AZIN2: variants seen among roughly 807,000 people sequenced by gnomAD.
The protein encoded by AZIN2 is antizyme inhibitor 2, also known as ODC antizyme inhibitor-2.
AZIN2 carries 28 observed loss-of-function variants against 47.8 expected under a neutral mutation model. The ratio of observed to expected loss-of-function variants is 0.59; its 90% CI spans 0.43 to 0.80. The LOEUF (loss-of-function observed/expected upper bound fraction) is 0.80, where lower values mean the gene tolerates loss of function less well. Ranked by LOEUF, AZIN2 falls within the 30% of genes least tolerant of loss-of-function variation. AZIN2 has a pLI of 0.00. For synonymous variants in AZIN2, 221 were observed against 239.4 expected, an observed-to-expected ratio of 0.92 and a Z score of 0.71; for missense variants, 535 against 582.5, an observed-to-expected ratio of 0.92 and a Z score of 0.84.
At chr1:33,087,883 T>C (rs1642104597) in intron 5 of AZIN2, among the ~76,000 whole-genome samples, 3 of 152,172 alleles carry the variant, frequency 2.0e-5, no homozygotes, top group Non-Finnish European at 2.9e-5. Context: ...CTCCTTCCTG[T>C]CCAGACACAT....
In AZIN2 at chr1:33,121,300, A is replaced by T. The variant is rs990383182; in HGVS notation, c.*1118A>T. On this transcript the variant is annotated 3_prime_UTR_variant, in exon 12 of 12. Transcript: ENST00000294517. ...TGCAGAAGCCTGGGTGCAGTGGCTC[A>T]CACCTGTAATCCCAGCACTTTGGGA... 1.3e-5 allele frequency among the ~76,000 whole-genome samples: 2 copies of T among 152,232 alleles called. No homozygotes were observed. Among genetic ancestry groups the T allele is most frequent in the Admixed American group, 1.3e-4 (2 of 15,288 alleles).
chr1:33,122,949 C>T lies in AZIN2; in HGVS notation c.*2767C>T, dbSNP rs563191512. Among the ~76,000 whole-genome samples the T allele has an allele frequency of 5.9e-5, 9 of 152,340 alleles. No individual in the cohort carries two copies. The South Asian group carries it at 1.9e-3, about 32-fold the overall frequency. ...GCCAGATGCCGTACCTCCTGGGATT[C>T]CGTTTCACCAAGAATGAAATTTAAA... On this transcript the variant is annotated 3_prime_UTR_variant, in exon 12 of 12. Transcript: ENST00000294517.
At position 33,098,185 on chromosome 1, in the gene AZIN2, C is replaced by A. The variant is rs1261196627; in HGVS notation, c.1029+6C>A. 1.3e-6 allele frequency: 2 copies of A among 1,597,362 alleles called. No homozygotes were observed. The highest frequency in any genetic ancestry group is 1.7e-6 in the Non-Finnish European group (2 of 1,169,256). ...CTACCCCCATCCTGCAGAAGGTGAG[C>A]TTACCCCACGTGGGCCTGTTTTCAG... is the stretch of plus-strand genomic sequence containing the variant. On this transcript the variant is annotated splice_donor_region_variant and intron_variant, in intron 10 of 11. Coordinates refer to ENST00000294517, the MANE Select transcript of AZIN2 (RefSeq NM_052998.4).
the AZIN2 span, among the ~76,000 whole-genome samples, chr1:33,130,583 C>A: frequency 1.3e-5 from 2 of 152,218 alleles, no homozygotes; most frequent in African/African-American, 4.8e-5. Flanking sequence ...AGAATGACTG[C>A]AGCCCCAGCC....
At chr1:33,095,422 C>T (rs1557686462) in intron 8 of AZIN2, among the ~76,000 whole-genome samples, 1 of 152,186 alleles carries the variant, frequency 6.6e-6, no homozygotes, top group African/African-American at 2.4e-5. Context: ...AGGTCGTTCA[C>T]AGTCTATTAA....
chr1:33,124,098 G>T (rs368281570), downstream of AZIN2, among the ~76,000 whole-genome samples: 30 of 152,220 alleles, frequency 2.0e-4, no homozygotes, highest in African/African-American at 7.2e-4. The surrounding 1 kb of genome is among the most constrained non-coding windows in gnomAD (Gnocchi z 4.6). Flanking sequence ...CCTGGGAGGC[G>T]GAGGTTGCAT....
chr1:33,154,609 C>A, the AZIN2 span, among the ~76,000 whole-genome samples: 279 of 151,530 alleles, frequency 1.8e-3, no homozygotes, highest in Middle Eastern at 0.01. Context: ...ACCACCCTGG[C>A]CAACATGGTG....
rs1200623690 is a variant in AZIN2 at position 33,120,197 on chromosome 1, C to A, written c.*15C>A. 2 of 1,589,066 alleles carry A rather than the reference C, an allele frequency of 1.3e-6. No homozygotes were observed. Among genetic ancestry groups the A allele is most frequent in the Admixed American group, 3.4e-5 (2 of 58,886 alleles). ...GCATCATGTGAGTGGGCCTCGTTCC[C>A]CCCGGAGAATCCCAGCGGGGCCTCA... is the stretch of plus-strand genomic sequence containing the variant. On this transcript the variant is annotated 3_prime_UTR_variant, in exon 12 of 12. Transcript: ENST00000294517.
chr1:33,085,839 G>A (rs1286452442), intron 5 of AZIN2, among the ~76,000 whole-genome samples: 2 of 152,224 alleles, frequency 1.3e-5, no homozygotes, highest in Non-Finnish European at 2.9e-5. Context: ...CCGTTCTACA[G>A]TTGAGGAAAC....
At chr1:33,124,340 G>A (rs1471364247), downstream of AZIN2, among the ~76,000 whole-genome samples, 2 of 152,118 alleles carry the variant, frequency 1.3e-5, no homozygotes, top group African/African-American at 4.8e-5. This position sits in a 1 kb window ranked among gnomAD's most constrained non-coding sequence, Gnocchi z 4.6. Flanking sequence ...AGCCCGCTAT[G>A]CTTCTGGAGC....
the AZIN2 span, among the ~76,000 whole-genome samples, chr1:33,138,112 AT>A: frequency 6.6e-6 from 1 of 152,130 alleles, no homozygotes; most frequent in Non-Finnish European, 1.5e-5. Context: ...TTCTCAGGGC[AT>A]TTTATTCCTG....
chr1:33,090,690 C>G, intron 5 of AZIN2, among the ~76,000 whole-genome samples: 1 of 152,194 alleles, frequency 6.6e-6, no homozygotes, highest in Middle Eastern at 3.2e-3. Flanking sequence ...CACATACTTA[C>G]CTTTTTTTGT....
the AZIN2 span, chr1:33,165,783 ACCT>A: frequency 2.3e-5 from 9 of 397,716 alleles, no homozygotes; most frequent in South Asian, 6.8e-5. The surrounding 1 kb of genome is among the most constrained non-coding windows in gnomAD (Gnocchi z 4.0). Flanking sequence ...CTTTGCAACA[ACCT>A]CCTCCTCTTT....
At chr1:33,157,174 A>C in the AZIN2 span, among the ~76,000 whole-genome samples, 6 of 151,950 alleles carry the variant, frequency 3.9e-5, no homozygotes, top group African/African-American at 1.2e-4. Flanking sequence ...TGGCCTACAG[A>C]CCCTCGTGGT....
chr1:33,117,563 A>T (rs939521575), intron 10 of AZIN2, among the ~76,000 whole-genome samples: 1 of 152,206 alleles, frequency 6.6e-6, no homozygotes, highest in Non-Finnish European at 1.5e-5. Flanking sequence ...CTCTCCATAC[A>T]CTAACTCATT....
chr1:33,165,752 G>A, the AZIN2 span: 8 of 433,298 alleles, frequency 1.8e-5, no homozygotes, highest in Admixed American at 4.3e-5. This position sits in a 1 kb window ranked among gnomAD's most constrained non-coding sequence, Gnocchi z 4.0. Context: ...TCCAGAACCC[G>A]TCCGTATCTT....
chr1:33,116,316 A>G (rs769575400), intron 10 of AZIN2, among the ~76,000 whole-genome samples: 4 of 152,206 alleles, frequency 2.6e-5, no homozygotes, highest in Non-Finnish European at 4.4e-5. Flanking sequence ...TATCAAATAT[A>G]TGAGCACTAT....
rs1376610332 is a variant in AZIN2 at position 33,122,307 on chromosome 1, A to C, written c.*2125A>C. Reference sequence around the variant, plus strand: ...CTGAGGGGGCATTCTGTGGCTTTTGAAATGACAGTGGCTGTCATGGAGTTT... The same window carrying C: ...CTGAGGGGGCATTCTGTGGCTTTTGCAATGACAGTGGCTGTCATGGAGTTT... On this transcript the variant is annotated 3_prime_UTR_variant, in exon 12 of 12. Coordinates refer to ENST00000294517, the MANE Select transcript of AZIN2 (RefSeq NM_052998.4). 7.2e-5 allele frequency among the ~76,000 whole-genome samples: 11 copies of C among 152,138 alleles called. No homozygotes were observed.
chr1:33,149,737 G>A, the AZIN2 span, among the ~76,000 whole-genome samples: 3 of 152,224 alleles, frequency 2.0e-5, no homozygotes. Flanking sequence ...TTATAGGTGT[G>A]AGCCACTGCA....
Sources: gnomAD v4.1 joint callset for allele counts (sites outside exome capture counted in the v4.1 genomes callset) on GRCh38, gnomAD v4.1.1 for gene constraint, Gnocchi (gnomAD v3.1) non-coding constraint, MANE v1.5 for transcripts, NCBI Gene and HGNC (gene_info 2026-07-23, HGNC 2026-07-21) for gene names.